NEK1: variants seen among roughly 807,000 people sequenced by gnomAD.
NEK1 encodes serine/threonine-protein kinase Nek1.
NEK1 carries 137 observed loss-of-function variants against 182.1 expected under a neutral mutation model. That is an observed-to-expected ratio of 0.75 (90% CI 0.65 to 0.87). The LOEUF is 0.87. NEK1 is among the 40% of genes least tolerant of loss of function. NEK1 has a pLI of 0.00. For synonymous variants in NEK1, 513 were observed against 492.2 expected, an observed-to-expected ratio of 1.04 and a Z score of -0.56; for missense variants, 1,391 against 1,494.4, an observed-to-expected ratio of 0.93 and a Z score of 1.14.
intron 31 of NEK1, among the ~76,000 whole-genome samples, chr4:169,410,883 T>C (rs1399814068): frequency 1.3e-5 from 2 of 152,222 alleles, no homozygotes; most frequent in South Asian, 2.1e-4. Flanking sequence ...TTATTCACTA[T>C]CCCCTAAAGT....
At position 169,582,984 on chromosome 4, in the gene NEK1, T is replaced by C. The variant is rs142180523; in HGVS notation, c.808-2082A>G. On this transcript the variant is annotated intron_variant, in intron 10 of 35. Transcript: ENST00000507142. The stretch of plus-strand genomic sequence containing the variant: ...CATATCCAGGAAGAAGTTGCCACAG[T>C]GCCCAAGACTGAAAACTAGGCCCTA... 2.9e-3 allele frequency among the ~76,000 whole-genome samples: 449 copies of C among 152,246 alleles called. 1 individual carries two copies. Among genetic ancestry groups the C allele is most frequent in the African/African-American group, 0.01 (418 of 41,548 alleles).
At chr4:169,567,239 C>CT (rs962356437) in intron 12 of NEK1, among the ~76,000 whole-genome samples, 5 of 151,772 alleles carry the variant, frequency 3.3e-5, no homozygotes, top group Non-Finnish European at 7.4e-5. Context: ...ACTGCCGTTT[C>CT]TTTTTTTTCC....
chr4:169,522,505 A>G (rs148838551), intron 19 of NEK1, among the ~76,000 whole-genome samples: 342 of 152,338 alleles, frequency 2.2e-3, no homozygotes, highest in Admixed American at 2.4e-3. Context: ...AAGTTTAGCA[A>G]TCGGCTTCTA....
intron 26 of NEK1, among the ~76,000 whole-genome samples, chr4:169,476,115 A>G (rs1028664588): frequency 2.6e-5 from 4 of 152,148 alleles, no homozygotes; most frequent in Non-Finnish European, 5.9e-5. Flanking sequence ...AAGCATGAAG[A>G]AAACTATACC....
At chr4:169,603,281 T>C (rs981153824) in intron 2 of NEK1, among the ~76,000 whole-genome samples, 1 of 152,206 alleles carries the variant, frequency 6.6e-6, no homozygotes, top group African/African-American at 2.4e-5. Context: ...TAACACTGGT[T>C]ATTATTATTT....
intron 35 of NEK1, among the ~76,000 whole-genome samples, chr4:169,399,633 C>T (rs7654031): frequency 0.36 from 55,110 of 151,766 alleles, 10,524 homozygotes; most frequent in African/African-American, 0.46. Context: ...TATTTATTTA[C>T]TTTTTTGAGA....
At chr4:169,433,008 G>A (rs1263782342) in intron 29 of NEK1, among the ~76,000 whole-genome samples, 6 of 151,868 alleles carry the variant, frequency 4.0e-5, no homozygotes, top group Middle Eastern at 3.2e-3. Context: ...CAGGTGATCC[G>A]TCCTCCTCGG....
intron 19 of NEK1, among the ~76,000 whole-genome samples, chr4:169,531,930 T>C (rs1757740093): frequency 6.6e-6 from 1 of 152,162 alleles, no homozygotes. Flanking sequence ...GGCACATCCA[T>C]ACAAAGGAAT....
At chr4:169,609,658 C>A (rs563829495) in intron 2 of NEK1, among the ~76,000 whole-genome samples, 2 of 152,132 alleles carry the variant, frequency 1.3e-5, no homozygotes, top group South Asian at 4.1e-4. Flanking sequence ...TAAATAATAT[C>A]TATGGAGAGA....
chr4:169,401,344 T>C (rs1019824604), intron 33 of NEK1, among the ~76,000 whole-genome samples: 2 of 152,118 alleles, frequency 1.3e-5, no homozygotes, highest in Non-Finnish European at 2.9e-5. Flanking sequence ...CTTTCTAAAA[T>C]ATAGAATGCC....
chr4:169,530,496 G>A (rs537848721), intron 19 of NEK1, among the ~76,000 whole-genome samples: 2 of 152,206 alleles, frequency 1.3e-5, no homozygotes, highest in African/African-American at 4.8e-5. Context: ...CCAACTGTGG[G>A]CTAATGTAAG....
At chr4:169,453,120 T>C (rs28895684) in intron 27 of NEK1, among the ~76,000 whole-genome samples, 13,384 of 152,164 alleles carry the variant, frequency 0.088, 765 homozygotes, top group African/African-American at 0.16. Context: ...GTGAAGGACA[T>C]CTTCAAGAAG....
chr4:169,441,618 C>G (rs1739474173), intron 27 of NEK1, among the ~76,000 whole-genome samples: 1 of 152,226 alleles, frequency 6.6e-6, no homozygotes, highest in African/African-American at 2.4e-5. Flanking sequence ...ACAGACCCAC[C>G]CTGCCCTGCT....
chr4:169,548,166 T>C (rs966948972), intron 18 of NEK1, among the ~76,000 whole-genome samples: 1 of 152,212 alleles, frequency 6.6e-6, no homozygotes, highest in African/African-American at 2.4e-5. Context: ...TGAGTGTATG[T>C]CCTTTTTGAT....
intron 28 of NEK1, among the ~76,000 whole-genome samples, chr4:169,435,606 T>C (rs1020790520): frequency 6.6e-6 from 1 of 152,174 alleles, no homozygotes; most frequent in Non-Finnish European, 1.5e-5. Context: ...AGTGATGCTA[T>C]GCCAGTTCCA....
At chr4:169,506,298 T>C (rs1433952404) in intron 23 of NEK1, among the ~76,000 whole-genome samples, 1 of 152,166 alleles carries the variant, frequency 6.6e-6, no homozygotes, top group African/African-American at 2.4e-5. Context: ...CAAAGGAAGA[T>C]ATAGCTTGAT....
chr4:169,445,865 T>TACACACACAC (rs201151434), intron 27 of NEK1, among the ~76,000 whole-genome samples: 28 of 143,272 alleles, frequency 2.0e-4, no homozygotes, highest in African/African-American at 4.2e-4. Flanking sequence ...TATATATATA[T>TACACACACAC]ACACACACAC....
rs572956135 is a variant in NEK1 at position 169,425,327 on chromosome 4, G to C, written c.2975-527C>G. On this transcript the variant is annotated intron_variant, in intron 30 of 35. Coordinates refer to ENST00000507142, the MANE Select transcript of NEK1 (RefSeq NM_001199397.3). The stretch of plus-strand genomic sequence containing the variant: ...TAGTCCCAGCTACTCTGGAGGATGA[G>C]GTGAGGGTTGTTTGAGCCCAGGAGT... Among the ~76,000 whole-genome samples, 150 of 152,168 alleles carry C rather than the reference G, an allele frequency of 9.9e-4. 1 individual carries two copies. Among genetic ancestry groups the C allele is most frequent in the African/African-American group, 3.3e-3 (135 of 41,504 alleles).
chr4:169,580,013 GAA>G (rs994987600), intron 11 of NEK1, among the ~76,000 whole-genome samples: 5 of 151,676 alleles, frequency 3.3e-5, no homozygotes, highest in African/African-American at 1.2e-4. Flanking sequence ...TTCTATTCAG[GAA>G]AAAAATAATT....
Sources: allele counts gnomAD v4.1 joint callset (sites outside exome capture counted in the v4.1 genomes callset), GRCh38; gene constraint gnomAD v4.1.1; transcripts MANE v1.5; gene names NCBI Gene and HGNC (gene_info 2026-07-23, HGNC 2026-07-21).